Variants in VGLL4 observed in about 807,000 individuals in gnomAD.
VGLL4 encodes vestigial like family member 4, also known as transcription cofactor vestigial-like protein 4.
VGLL4 carries 7 observed loss-of-function variants against 21.0 expected under a neutral mutation model. The ratio of observed to expected loss-of-function variants is 0.33; its 90% CI spans 0.19 to 0.63. VGLL4 has a LOEUF of 0.63. VGLL4 is among the 20% of genes least tolerant of loss of function. VGLL4 has a pLI of 0.78. For synonymous variants in VGLL4, 222 were observed against 173.2 expected (o/e 1.28, Z -2.21); for missense variants, 394 against 425.7 (o/e 0.93, Z 0.66).
chr3:11,700,312 A>T (rs2076662107), intron 2 of VGLL4, among the ~76,000 whole-genome samples: 1 of 152,256 alleles, frequency 6.6e-6, no homozygotes, highest in African/African-American at 2.4e-5. Flanking sequence ...TTGTATAAAC[A>T]GTATTTTGTT....
intron 2 of VGLL4, among the ~76,000 whole-genome samples, chr3:11,654,508 C>T (rs2075927155): frequency 1.3e-5 from 2 of 152,146 alleles, no homozygotes; most frequent in Admixed American, 6.5e-5. Context: ...TTTTTAGAGT[C>T]CACAATTCCT....
intron 2 of VGLL4, among the ~76,000 whole-genome samples, chr3:11,585,747 G>C (rs1423212129): frequency 1.3e-5 from 2 of 152,226 alleles, no homozygotes; most frequent in Non-Finnish European, 2.9e-5. Flanking sequence ...TTTATTCCAT[G>C]TATCTCGCCA....
intron 2 of VGLL4, among the ~76,000 whole-genome samples, chr3:11,695,849 G>C (rs907715264): frequency 2.0e-5 from 3 of 152,116 alleles, no homozygotes; most frequent in Admixed American, 2.0e-4. Context: ...CTGATGCAGT[G>C]ATCAGATAAG....
intron 1 of VGLL4, among the ~76,000 whole-genome samples, chr3:11,620,624 A>T (rs2075248076): frequency 6.6e-6 from 1 of 152,192 alleles, no homozygotes; most frequent in Non-Finnish European, 1.5e-5. Context: ...GCCACGCTAA[A>T]TAAAGAGCTG....
At chr3:11,682,399 T>C (rs1435107002) in intron 2 of VGLL4, among the ~76,000 whole-genome samples, 3 of 80,866 alleles carry the variant, frequency 3.7e-5, no homozygotes, top group African/African-American at 1.5e-4. Flanking sequence ...TACAAGACCC[T>C]GTCTCAAAAA....
intron 3 of VGLL4, among the ~76,000 whole-genome samples, chr3:11,563,323 G>A (rs575080899): frequency 4.7e-4 from 71 of 152,230 alleles, no homozygotes; most frequent in Non-Finnish European, 9.3e-4. Flanking sequence ...GCACGGTTCA[G>A]GCCATGGCTC....
At chr3:11,667,385 A>C (rs994312725) in intron 2 of VGLL4, among the ~76,000 whole-genome samples, 18 of 152,240 alleles carry the variant, frequency 1.2e-4, no homozygotes, top group African/African-American at 4.1e-4. Context: ...TAACCTCTTT[A>C]GCATGTCACC....
At chr3:11,625,512 A>C (rs1022442131) in intron 1 of VGLL4, among the ~76,000 whole-genome samples, 1 of 152,238 alleles carries the variant, frequency 6.6e-6, no homozygotes, top group African/African-American at 2.4e-5. Flanking sequence ...GATTCTAAAA[A>C]TAAACCATGC....
chr3:11,577,121 C>A (rs908181884), intron 2 of VGLL4, among the ~76,000 whole-genome samples: 1 of 151,994 alleles, frequency 6.6e-6, no homozygotes, highest in Non-Finnish European at 1.5e-5. Context: ...CCTGGGGAAA[C>A]CCAAGGAGAA....
chr3:11,625,901 G>C (rs1355727912), intron 1 of VGLL4, among the ~76,000 whole-genome samples: 1 of 152,142 alleles, frequency 6.6e-6, no homozygotes, highest in Admixed American at 6.5e-5. Flanking sequence ...CAGGACGGGG[G>C]AATGGAGAGT....
chr3:11,641,655 T>G (rs917771399), intron 1 of VGLL4, among the ~76,000 whole-genome samples: 7 of 152,224 alleles, frequency 4.6e-5, no homozygotes, highest in Non-Finnish European at 8.8e-5. Context: ...ACTCTCATAA[T>G]AAGGAAAATA....
At chr3:11,619,333 T>C (rs960935087) in intron 1 of VGLL4, among the ~76,000 whole-genome samples, 5 of 152,228 alleles carry the variant, frequency 3.3e-5, no homozygotes, top group African/African-American at 9.6e-5. Context: ...TTTAAATGCT[T>C]TCCTACTGGA....
chr3:11,710,163 C>T (rs904328968), intron 1 of VGLL4, among the ~76,000 whole-genome samples: 7 of 152,296 alleles, frequency 4.6e-5, no homozygotes, highest in South Asian at 2.1e-4. Context: ...CATGAGGGAT[C>T]GCTCCCATGA....
intron 1 of VGLL4, among the ~76,000 whole-genome samples, chr3:11,713,662 C>A (rs1302281349): frequency 1.3e-5 from 2 of 151,176 alleles, no homozygotes; most frequent in Non-Finnish European, 2.9e-5. Context: ...AGATCACACC[C>A]TTTCCATAAG....
chr3:11,650,390 C>G (rs1415757013), intron 2 of VGLL4, among the ~76,000 whole-genome samples: 1 of 152,186 alleles, frequency 6.6e-6, no homozygotes, highest in Non-Finnish European at 1.5e-5. Context: ...ATCACCAAAA[C>G]TGCGAGCTGT....
Position 11,559,472 on chromosome 3 carries a change from T to A in VGLL4, c.496-17A>T. On this transcript the variant is annotated splice_polypyrimidine_tract_variant and intron_variant, in intron 3 of 4. Transcript: ENST00000430365. ...GGGCCGGTTCTGCGGGGAGGAGGGG[T>A]GTCAGTATGTGGAGACCAGCTTCAG... is the stretch of plus-strand genomic sequence containing the variant. 1 of 1,542,724 alleles carries A rather than the reference T, an allele frequency of 6.5e-7. No individual in the cohort carries two copies. Among genetic ancestry groups the A allele is most frequent in the Non-Finnish European group, 8.7e-7 (1 of 1,143,968 alleles).
At chr3:11,668,319 A>C (rs1433119350) in intron 2 of VGLL4, among the ~76,000 whole-genome samples, 1 of 152,190 alleles carries the variant, frequency 6.6e-6, no homozygotes, top group African/African-American at 2.4e-5. Context: ...CTTTAGGGTA[A>C]CCATTTTTTC....
chr3:11,623,395 A>C (rs966456735), intron 1 of VGLL4, among the ~76,000 whole-genome samples: 1 of 151,962 alleles, frequency 6.6e-6, no homozygotes, highest in Non-Finnish European at 1.5e-5. Flanking sequence ...CTCAAAGTCC[A>C]CTCTGCAGAG....
At chr3:11,670,724 T>C (rs1415701282) in intron 2 of VGLL4, among the ~76,000 whole-genome samples, 1 of 152,160 alleles carries the variant, frequency 6.6e-6, no homozygotes, top group Non-Finnish European at 1.5e-5. Flanking sequence ...TGGATATTAA[T>C]GGGCACCTGC....
Sources: allele counts gnomAD v4.1 joint callset (sites outside exome capture counted in the v4.1 genomes callset), GRCh38; gene constraint gnomAD v4.1.1; transcripts MANE v1.5; gene names NCBI Gene and HGNC (gene_info 2026-07-23, HGNC 2026-07-21).